The following CSMD1 variants were observed in gnomAD, a reference collection of about 807,000 sequenced individuals.
CSMD1 encodes the protein CUB and sushi domain-containing protein 1.
In CSMD1, 213 loss-of-function variants were observed where a neutral mutation model predicts 417.5. The ratio of observed to expected loss-of-function variants is 0.51; its 90% confidence interval spans 0.46 to 0.57. The LOEUF (loss-of-function observed/expected upper bound fraction) is 0.57, where lower values mean the gene tolerates loss of function less well. Among genes scored for constraint, CSMD1 ranks in the 20% least tolerant of loss-of-function variants. The pLI is 0.00. For missense variants in CSMD1, 6,923 were observed against 4,529.7 expected, an observed-to-expected ratio of 1.53 and a Z score of -15.17; for synonymous variants, 2,862 against 1,736.8, an observed-to-expected ratio of 1.65 and a Z score of -16.11.
chr8:4,921,225 T>C (rs929895045), intron 1 of CSMD1, among the ~76,000 whole-genome samples: 1 of 152,166 alleles, frequency 6.6e-6, no homozygotes, highest in African/African-American at 2.4e-5. Context: ...TCACGTTCCA[T>C]TCAGAAACCT....
At chr8:3,828,768 T>A (rs1372831016) in intron 5 of CSMD1, among the ~76,000 whole-genome samples, 1 of 152,104 alleles carries the variant, frequency 6.6e-6, no homozygotes, top group Non-Finnish European at 1.5e-5. Context: ...TGAGGTCCTG[T>A]CACTTCCTCC....
At chr8:3,905,075 T>A (rs1273660591) in intron 5 of CSMD1, among the ~76,000 whole-genome samples, 1 of 152,202 alleles carries the variant, frequency 6.6e-6, no homozygotes, top group Non-Finnish European at 1.5e-5. Context: ...AGGACCTATG[T>A]GTATCCAAAT....
chr8:3,503,433 G>A (rs1796690121), intron 10 of CSMD1, among the ~76,000 whole-genome samples: 2 of 152,324 alleles, frequency 1.3e-5, no homozygotes, highest in African/African-American at 4.8e-5. Flanking sequence ...GTTTGCACAG[G>A]CAGTGAAAAG....
chr8:3,997,829 T>G, intron 5 of CSMD1, 74 bp downstream of exon 5: 1 of 1,341,606 alleles, frequency 7.5e-7, no homozygotes, highest in Non-Finnish European at 1.0e-6. Context: ...GACAAGCAAT[T>G]CTTGAAGCTC....
At chr8:4,540,937 C>G (rs573402323) in intron 2 of CSMD1, among the ~76,000 whole-genome samples, 4 of 152,170 alleles carry the variant, frequency 2.6e-5, no homozygotes, top group Non-Finnish European at 4.4e-5. Context: ...AACTGAACAG[C>G]TATGATTCTT....
At chr8:4,590,616 T>C (rs564897034) in intron 2 of CSMD1, among the ~76,000 whole-genome samples, 1 of 152,278 alleles carries the variant, frequency 6.6e-6, no homozygotes, top group South Asian at 2.1e-4. Context: ...TGTATACTGT[T>C]AATATATGTT....
rs182107087 is a variant in CSMD1 at position 4,005,150 on chromosome 8, T to G, written c.611-7040A>C. 2.8e-3 allele frequency among the ~76,000 whole-genome samples: 429 copies of G among 151,006 alleles called. 1 individual carries two copies. The highest frequency in any genetic ancestry group is 0.01 in the African/African-American group (418 of 41,026). On this transcript the variant is annotated intron_variant, in intron 4 of 69. Transcript: ENST00000635120. ...GGAGATTTGGGGGGAAGAGTGGGAG[T>G]GGGGAAAGGGGATAAAAGACAACAT...
chr8:3,753,789 ATT>A, intron 6 of CSMD1, 139 bp downstream of exon 6: 1 of 559,124 alleles, frequency 1.8e-6, no homozygotes, highest in South Asian at 2.2e-5. Flanking sequence ...CGACTATATG[ATT>A]TCCAAAGATA....
chr8:3,212,825 T>C (rs1235510830), intron 30 of CSMD1, among the ~76,000 whole-genome samples: 1 of 129,880 alleles, frequency 7.7e-6, no homozygotes, highest in African/African-American at 3.0e-5. Context: ...TTTAGTTTCT[T>C]ATATACTTTT....
chr8:4,142,403 G>C lies in CSMD1; in HGVS notation c.416-110304C>G, dbSNP rs559766419. Among the ~76,000 whole-genome samples the C allele has an allele frequency of 3.3e-5, 5 of 150,712 alleles. No individual in the cohort carries two copies. The East Asian group carries it at 9.6e-4, about 29-fold the overall frequency. ...CTCAGGGAGAGGACAGTTTTCTTTG[G>C]GTCAATATTTCTGCCTGCTACCATA... On this transcript the variant is annotated intron_variant, in intron 3 of 69. Coordinates refer to ENST00000635120, the MANE Select transcript of CSMD1 (RefSeq NM_033225.6).
chr8:4,774,503 T>C (rs59018211), intron 1 of CSMD1, among the ~76,000 whole-genome samples: 1 of 152,278 alleles, frequency 6.6e-6, no homozygotes, highest in African/African-American at 2.4e-5. Context: ...ATATAGGAAA[T>C]AAAGTACTTT....
intron 12 of CSMD1, among the ~76,000 whole-genome samples, chr8:3,427,130 A>G (rs1380253426): frequency 1.3e-5 from 2 of 152,196 alleles, no homozygotes; most frequent in East Asian, 3.8e-4. Context: ...CCTTTGACAC[A>G]AGAAGATTAT....
intron 2 of CSMD1, among the ~76,000 whole-genome samples, chr8:4,522,070 C>T (rs1466999387): frequency 1.3e-5 from 2 of 152,170 alleles, no homozygotes; most frequent in Non-Finnish European, 2.9e-5. Flanking sequence ...CAAATCTCAT[C>T]TAGAATTGTA....
chr8:3,669,178 A>G (rs1798856807), intron 7 of CSMD1, among the ~76,000 whole-genome samples: 1 of 152,226 alleles, frequency 6.6e-6, no homozygotes, highest in Non-Finnish European at 1.5e-5. Flanking sequence ...ATGAGCATAA[A>G]GTTATGTTTT....
intron 7 of CSMD1, among the ~76,000 whole-genome samples, chr8:3,660,475 A>T (rs1173204437): frequency 7.6e-6 from 1 of 130,852 alleles, no homozygotes; most frequent in Non-Finnish European, 1.6e-5. Flanking sequence ...GCTCAGATCA[A>T]GTGGCTTTTT....
At chr8:3,486,016 C>T (rs768019948) in intron 11 of CSMD1, among the ~76,000 whole-genome samples, 5 of 151,968 alleles carry the variant, frequency 3.3e-5, no homozygotes, top group Non-Finnish European at 7.4e-5. Flanking sequence ...CAGTGACTAT[C>T]GATTCGAGTT....
chr8:4,473,128 C>A (rs1378492935), intron 2 of CSMD1, among the ~76,000 whole-genome samples: 2 of 152,032 alleles, frequency 1.3e-5, no homozygotes, highest in African/African-American at 4.8e-5. Flanking sequence ...TAATTACAAC[C>A]TTATAGTAAA....
chr8:4,558,643 G>C (rs1006047249), intron 2 of CSMD1, among the ~76,000 whole-genome samples: 7 of 152,072 alleles, frequency 4.6e-5, no homozygotes, highest in African/African-American at 1.7e-4. Context: ...GAGGCAGCTG[G>C]ATCATCTGAG....
At position 3,262,624 on chromosome 8, in the gene CSMD1, G is replaced by C. The variant is rs145179345; in HGVS notation, c.4153+21520C>G. Among the ~76,000 whole-genome samples the C allele has an allele frequency of 2.5e-3, 377 of 152,112 alleles. 1 individual carries two copies. Among genetic ancestry groups the C allele is most frequent in the African/African-American group, 8.1e-3 (337 of 41,510 alleles). ...ATGTGAAAGATTATAGTCAGTGGAA[G>C]CACAGGTATTAAAGTAGAGGTATAG... On this transcript the variant is annotated intron_variant, in intron 26 of 69. Transcript: ENST00000635120.
Sources: gnomAD v4.1 joint callset for allele counts (sites outside exome capture counted in the v4.1 genomes callset) on GRCh38, gnomAD v4.1.1 for gene constraint, MANE v1.5 for transcripts, NCBI Gene and HGNC (gene_info 2026-07-23, HGNC 2026-07-21) for gene names.